The following TRPV1 variants were observed in gnomAD, a reference collection of about 807,000 sequenced individuals.
The protein encoded by TRPV1 is transient receptor potential cation channel subfamily V member 1.
A neutral mutation model predicts 82.3 loss-of-function variants in TRPV1; 82 were observed. The ratio of observed to expected loss-of-function variants is 1.00; its 90% confidence interval spans 0.83 to 1.20. The LOEUF (loss-of-function observed/expected upper bound fraction) is 1.20, where lower values mean the gene tolerates loss of function less well. TRPV1 is among the 50% of genes most tolerant of loss of function. The pLI is 0.00. For missense variants in TRPV1, 1,067 were observed against 1,096.8 expected (o/e 0.97, Z 0.38); for synonymous variants, 515 against 467.7 (o/e 1.10, Z -1.30).
rs1419101650 is a variant in TRPV1, at chr17:3,588,285, C to G, written c.1127G>C (p.Gly376Ala). The G allele has an allele frequency of 3.8e-6, 6 of 1,578,112 alleles. No homozygotes were observed. The highest frequency in any genetic ancestry group is 5.2e-6 in the Non-Finnish European group (6 of 1,162,698). Residue 376 changes from glycine (G) to alanine (A), a missense_variant, in exon 8 of 17, where the codon GGG becomes GCG. By Grantham distance (60) the Gly-to-Ala change is moderately conservative. Coordinates refer to ENST00000572705, the MANE Select transcript of TRPV1 (RefSeq NM_080704.4). ...GTCGTACAGCGAGGAGTGCACGGGC[C>G]CGTAGGCCCACTCGGTGAACTTCCT... The part of the protein sequence containing the change: ...LSRKFTEWAY[G>A]PVHSSLYDLS...
intron 10 of TRPV1, among the ~76,000 whole-genome samples, chr17:3,580,808 G>T (rs1049260000): frequency 2.0e-5 from 3 of 152,166 alleles, no homozygotes; most frequent in African/African-American, 7.2e-5. Flanking sequence ...CCTGAGGTTA[G>T]GAGTTCGAGA....
intron 11 of TRPV1, chr17:3,578,086 C>CCT (rs2074958384): frequency 5.3e-5 from 11 of 208,222 alleles, no homozygotes; most frequent in Non-Finnish European, 9.0e-5. Flanking sequence ...ATGCGGAGCA[C>CCT]AAGGTCAGGA....
intron 11 of TRPV1, 79 bp from the exon 12 acceptor site, chr17:3,577,842 G>A (rs1597521327): frequency 7.1e-6 from 10 of 1,403,488 alleles, no homozygotes; most frequent in South Asian, 2.6e-5. Context: ...GTCACAGGCC[G>A]CTCAGAGGTC....
chr17:3,586,125 T>C (rs1336048534), intron 8 of TRPV1, among the ~76,000 whole-genome samples, 199 bp from the exon 9 acceptor site: 1 of 152,208 alleles, frequency 6.6e-6, no homozygotes, highest in Non-Finnish European at 1.5e-5. Context: ...CGGAGGGACC[T>C]GCCCTCTTGG....
In TRPV1 at chr17:3,582,189, C is replaced by CAAAAAAAAAAAAAAAAAAA. The variant is rs71153376; in HGVS notation, c.1476+1130_1476+1148dup. Among the ~76,000 whole-genome samples the CAAAAAAAAAAAAAAAAAAA allele has an allele frequency of 3.9e-4, 10 of 25,914 alleles. 2 individuals carry two copies. Among genetic ancestry groups the CAAAAAAAAAAAAAAAAAAA allele is most frequent in the East Asian group, 6.4e-3 (2 of 312 alleles). 17.0% of individuals were successfully genotyped at this position (25,914 alleles called of 152,430 possible). A position where few individuals can be genotyped will look rare whatever the true frequency, so the allele number is the denominator to read the frequency against. ...TGGGCGAAAGAGTGAGACTCCATCT[C>CAAAAAAAAAAAAAAAAAAA]AAAAAAAAAAAAAAAAAAAAAAAAA... On this transcript the variant is annotated intron_variant, in intron 10 of 16. Coordinates refer to ENST00000572705, the MANE Select transcript of TRPV1 (RefSeq NM_080704.4).
At chr17:3,589,704 G>A (rs12936340) in intron 7 of TRPV1, 103 bp downstream of exon 7, 796,679 of 1,346,382 alleles carry the variant, frequency 0.59, 244,384 homozygotes, top group Non-Finnish European at 0.64. Flanking sequence ...TCAGAGTCCC[G>A]CACACACAGA....
At chr17:3,605,535 C>T (rs1024358675) in intron 2 of TRPV1, among the ~76,000 whole-genome samples, 3 of 151,604 alleles carry the variant, frequency 2.0e-5, no homozygotes, top group Non-Finnish European at 4.4e-5. Flanking sequence ...TCAATGAATT[C>T]AAACAAGTAG....
At chr17:3,583,142 G>A (rs1287127908) in intron 10 of TRPV1, among the ~76,000 whole-genome samples, 196 bp downstream of exon 10, 1 of 152,162 alleles carries the variant, frequency 6.6e-6, no homozygotes, top group East Asian at 1.9e-4. Flanking sequence ...CCTTGGGCCT[G>A]TGGAGACGCC....
At position 3,594,050 on chromosome 17, in the gene TRPV1, C is replaced by T. The variant is rs190448894; in HGVS notation, c.-33-1667G>A. Reference sequence around the variant, plus strand: ...GGCTGAGGCAGGAGAATCGCTTGAACCCAGGATGTAGAGGTTACAGTGAGC... The same window carrying T: ...GGCTGAGGCAGGAGAATCGCTTGAATCCAGGATGTAGAGGTTACAGTGAGC... On this transcript the variant is annotated intron_variant, in intron 2 of 16. Transcript: ENST00000572705. Among the ~76,000 whole-genome samples, 255 of 149,536 alleles carry T rather than the reference C, an allele frequency of 1.7e-3. 2 individuals carry two copies. Among genetic ancestry groups the T allele is most frequent in the Middle Eastern group, 0.014 (4 of 284 alleles).
intron 16 of TRPV1, among the ~76,000 whole-genome samples, chr17:3,568,057 TCA>T (rs2074793904): frequency 6.6e-6 from 1 of 152,104 alleles, no homozygotes; most frequent in Admixed American, 6.6e-5. Context: ...GCGCGGTGGC[TCA>T]CGCCTGTAAT....
Position 3,566,638 on chromosome 17 carries a change from A to G in TRPV1, c.*177T>C. 1.5e-6 allele frequency: 1 copy of G among 662,998 alleles called. No homozygotes were observed. The highest frequency in any genetic ancestry group is 1.8e-5 in the African/African-American group (1 of 55,186). 41.1% of individuals were successfully genotyped at this position (662,998 alleles called of 1,614,324 possible). ...GGACAGTGACGGTTGGATGTACATC[A>G]CTCCCCATGCTTCCAAGAACGCTTC... On this transcript the variant is annotated 3_prime_UTR_variant, in exon 17 of 17. Transcript: ENST00000572705.
chr17:3,569,612 C>T (rs887781408), intron 16 of TRPV1, among the ~76,000 whole-genome samples: 16 of 152,198 alleles, frequency 1.1e-4, no homozygotes, highest in Admixed American at 2.0e-4. Context: ...AGCTGGGCAG[C>T]GGAAGCAGCT....
At chr17:3,570,507 A>C (rs182989924) in intron 16 of TRPV1, among the ~76,000 whole-genome samples, 14 of 152,328 alleles carry the variant, frequency 9.2e-5, no homozygotes, top group African/African-American at 3.4e-4. Context: ...ATTTTACCAC[A>C]ATTTTTTACA....
intron 9 of TRPV1, among the ~76,000 whole-genome samples, chr17:3,584,668 T>C (rs224538): frequency 0.52 from 78,784 of 151,538 alleles, 23,663 homozygotes; most frequent in East Asian, 0.97. Flanking sequence ...TGTTGGTGGG[T>C]GCCTGTAGTC....
At chr17:3,592,033 C>T (rs761607439) in intron 3 of TRPV1, 34 bp downstream of exon 3, 3 of 1,596,472 alleles carry the variant, frequency 1.9e-6, no homozygotes, top group Non-Finnish European at 8.5e-7. Context: ...AGCTGGGCTC[C>T]CAGCAGGGAG....
intron 8 of TRPV1, among the ~76,000 whole-genome samples, chr17:3,586,864 G>C (rs1343969571): frequency 6.6e-6 from 1 of 152,090 alleles, no homozygotes; most frequent in Non-Finnish European, 1.5e-5. Flanking sequence ...TCAGGCCATC[G>C]AGTCCAACCC....
chr17:3,576,356 A>C (rs1273971840), intron 13 of TRPV1, among the ~76,000 whole-genome samples: 1 of 151,660 alleles, frequency 6.6e-6, no homozygotes, highest in Non-Finnish European at 1.5e-5. Flanking sequence ...CATCTCTATT[A>C]AAAATATAAC....
chr17:3,585,728 C>A (rs770933412), intron 9 of TRPV1, 40 bp downstream of exon 9: 11 of 1,595,770 alleles, frequency 6.9e-6, no homozygotes, highest in Non-Finnish European at 8.5e-6. Context: ...TTCCCCACCA[C>A]CCACACCCTC....
At chr17:3,572,402 G>A (rs2074867139) in intron 14 of TRPV1, among the ~76,000 whole-genome samples, 153 bp from the exon 15 acceptor site, 1 of 152,200 alleles carries the variant, frequency 6.6e-6, no homozygotes, top group African/African-American at 2.4e-5. Flanking sequence ...CTTTGTTTCT[G>A]TAGCCTGGCG....
Sources: gnomAD v4.1 joint callset for allele counts (sites outside exome capture counted in the v4.1 genomes callset) on GRCh38, gnomAD v4.1.1 for gene constraint, MANE v1.5 for transcripts, NCBI Gene and HGNC (gene_info 2026-07-23, HGNC 2026-07-21) for gene names.